Variants in SPATA17 observed in about 807,000 individuals in gnomAD.
The protein encoded by SPATA17 is spermatogenesis associated 17.
Under a neutral mutation model 62.2 loss-of-function variants are expected in SPATA17, and 53 were observed. The observed-to-expected ratio is 0.85, with a 90% CI of 0.68 to 1.07. The LOEUF (loss-of-function observed/expected upper bound fraction) is 1.07, where lower values mean the gene tolerates loss of function less well. Ranked by LOEUF, SPATA17 falls within the 50% of genes least tolerant of loss-of-function variation. SPATA17 has a pLI of 0.00. For synonymous variants in SPATA17, 146 were observed against 146.8 expected (o/e 0.99, Z 0.04); for missense variants, 466 against 425.5 (o/e 1.10, Z -0.84).
At chr1:217,763,394 A>C (rs1038735011) in intron 6 of SPATA17, among the ~76,000 whole-genome samples, 3 of 132,040 alleles carry the variant, frequency 2.3e-5, no homozygotes, top group Non-Finnish European at 3.2e-5. Flanking sequence ...AAATAAGCAG[A>C]TGGAAAAAAA....
intron 5 of SPATA17, among the ~76,000 whole-genome samples, chr1:217,721,713 G>T (rs1430340808): frequency 6.6e-6 from 1 of 152,134 alleles, no homozygotes; most frequent in Non-Finnish European, 1.5e-5. Flanking sequence ...CCTTCTAGAT[G>T]ATATGGGAGG....
At chr1:217,767,771 T>G (rs1293407168) in intron 6 of SPATA17, among the ~76,000 whole-genome samples, 1 of 152,198 alleles carries the variant, frequency 6.6e-6, no homozygotes, top group African/African-American at 2.4e-5. Context: ...ATTAAGCCCT[T>G]AGCATATTAA....
At chr1:217,850,297 T>C (rs1675619281) in intron 9 of SPATA17, 2 of 449,340 alleles carry the variant, frequency 4.5e-6, no homozygotes, top group East Asian at 8.5e-5. Flanking sequence ...TTTGAACAGG[T>C]TCAACTATTA....
intron 9 of SPATA17, among the ~76,000 whole-genome samples, chr1:217,810,537 A>C (rs1013118172): frequency 1.3e-5 from 2 of 151,896 alleles, no homozygotes; most frequent in African/African-American, 4.8e-5. Flanking sequence ...CAGAAGAATC[A>C]CTTGAACCCA....
At chr1:217,707,266 AT>A in intron 5 of SPATA17, among the ~76,000 whole-genome samples, 1 of 152,050 alleles carries the variant, frequency 6.6e-6, no homozygotes, top group East Asian at 1.9e-4. Flanking sequence ...TGGTTTTTAT[AT>A]ATTGATTTTG....
chr1:217,721,923 G>A lies in SPATA17; in HGVS notation c.396-20052G>A, dbSNP rs548288281. 1.3e-4 allele frequency among the ~76,000 whole-genome samples: 20 copies of A among 152,182 alleles called. No homozygotes were observed. In the South Asian group the frequency reaches 4.2e-3, roughly 32 times the overall value. On this transcript the variant is annotated intron_variant, in intron 5 of 10. Coordinates refer to ENST00000366933, the MANE Select transcript of SPATA17 (RefSeq NM_138796.4). ...ACATTCCTCTCTGCTTCTAAGACGT[G>A]GCCTGGAGTTGACAGGTCCAGGGCA...
At chr1:217,700,473 TTA>T (rs1262055909) in intron 5 of SPATA17, among the ~76,000 whole-genome samples, 1 of 152,240 alleles carries the variant, frequency 6.6e-6, no homozygotes, top group Admixed American at 6.5e-5. Flanking sequence ...TTTTCAGTAT[TTA>T]TGTTTTGACA....
intron 1 of SPATA17, among the ~76,000 whole-genome samples, chr1:217,645,560 T>C (rs1419886368): frequency 6.6e-6 from 1 of 152,202 alleles, no homozygotes; most frequent in East Asian, 1.9e-4. Flanking sequence ...TGGTATAGTT[T>C]GTTAAATATT....
At chr1:217,834,267 T>C (rs1325381956) in intron 9 of SPATA17, among the ~76,000 whole-genome samples, 1 of 152,204 alleles carries the variant, frequency 6.6e-6, no homozygotes, top group East Asian at 1.9e-4. Context: ...GACTATGTTA[T>C]TGGGTTACAT....
At chr1:217,815,936 T>C (rs973580685) in intron 9 of SPATA17, among the ~76,000 whole-genome samples, 3 of 152,132 alleles carry the variant, frequency 2.0e-5, no homozygotes, top group African/African-American at 4.8e-5. Context: ...CTGACTTACA[T>C]AGAGTGATTG....
intron 3 of SPATA17, 61 bp downstream of exon 3, chr1:217,651,239 C>T: frequency 1.6e-6 from 2 of 1,269,796 alleles, no homozygotes; most frequent in Non-Finnish European, 1.1e-6. Context: ...AACTTACTCA[C>T]TTTAGTCATA....
At chr1:217,744,695 A>G (rs1672707577) in intron 6 of SPATA17, among the ~76,000 whole-genome samples, 2 of 152,174 alleles carry the variant, frequency 1.3e-5, no homozygotes, top group South Asian at 4.1e-4. Flanking sequence ...TTGGCATCCA[A>G]TAAAATAATT....
intron 9 of SPATA17, among the ~76,000 whole-genome samples, chr1:217,856,119 C>T (rs1675781071): frequency 6.6e-6 from 1 of 151,978 alleles, no homozygotes; most frequent in Non-Finnish European, 1.5e-5. Context: ...TAGATATACC[C>T]ACATTGAAAT....
chr1:217,699,719 A>G (rs1160206959), intron 5 of SPATA17, among the ~76,000 whole-genome samples: 1 of 152,074 alleles, frequency 6.6e-6, no homozygotes, highest in African/African-American at 2.4e-5. Context: ...AACGGCATCC[A>G]GTTTTTGAAT....
chr1:217,844,625 T>A (rs1316463462), intron 9 of SPATA17, among the ~76,000 whole-genome samples: 1 of 152,110 alleles, frequency 6.6e-6, no homozygotes, highest in Non-Finnish European at 1.5e-5. Flanking sequence ...ACGGGGAACT[T>A]ACACTATAAA....
chr1:217,643,888 C>T, intron 1 of SPATA17, among the ~76,000 whole-genome samples: 1 of 152,000 alleles, frequency 6.6e-6, no homozygotes. Context: ...ACCATCATGT[C>T]TGGCTAATTT....
chr1:217,849,732 A>T (rs1456291924), intron 9 of SPATA17, among the ~76,000 whole-genome samples: 1 of 152,082 alleles, frequency 6.6e-6, no homozygotes, highest in African/African-American at 2.4e-5. Flanking sequence ...AAACTTCCTG[A>T]ACCTGAGGGG....
chr1:217,635,340 AC>A (rs1214855169), intron 1 of SPATA17, among the ~76,000 whole-genome samples: 1 of 152,222 alleles, frequency 6.6e-6, no homozygotes, highest in African/African-American at 2.4e-5. Context: ...GAGACATAAT[AC>A]ATCCATCAAT....
intron 9 of SPATA17, among the ~76,000 whole-genome samples, chr1:217,814,665 T>C (rs901744604): frequency 4.6e-5 from 7 of 151,836 alleles, no homozygotes; most frequent in Non-Finnish European, 7.4e-5. Context: ...CTGGGCAACA[T>C]AGAGAGACCC....
Sources: gnomAD v4.1 joint callset for allele counts (sites outside exome capture counted in the v4.1 genomes callset) on GRCh38, gnomAD v4.1.1 for gene constraint, MANE v1.5 for transcripts, NCBI Gene and HGNC (gene_info 2026-07-23, HGNC 2026-07-21) for gene names.